ZNF462: variants seen among roughly 807,000 people sequenced by gnomAD.
ZNF462 encodes the protein zinc finger PBX1-interacting protein.
A neutral mutation model predicts 201.9 loss-of-function variants in ZNF462; 10 were observed. The observed-to-expected ratio is 0.05, with a 90% CI of 0.03 to 0.08. The LOEUF (loss-of-function observed/expected upper bound fraction) is 0.08, where lower values mean the gene tolerates loss of function less well. ZNF462 is among the 10% of genes least tolerant of loss of function. The probability of loss-of-function intolerance (pLI) is 1.00; values close to 1 mark genes in which losing one functional copy is unlikely to be tolerated. For missense variants in ZNF462, 2,523 were observed against 3,168.3 expected (o/e 0.80, Z 4.89); for synonymous variants, 1,227 against 1,193.3 (o/e 1.03, Z -0.58).
At chr9:106,912,658 T>A (rs542350351) in intron 1 of ZNF462, among the ~76,000 whole-genome samples, 1 of 152,146 alleles carries the variant, frequency 6.6e-6, no homozygotes, top group Non-Finnish European at 1.5e-5. Flanking sequence ...GCCAGAAGGC[T>A]TGGGCAGGTT....
chr9:106,936,068 A>G (rs1830618188), intron 6 of ZNF462, among the ~76,000 whole-genome samples: 1 of 152,238 alleles, frequency 6.6e-6, no homozygotes, highest in Admixed American at 6.5e-5. Context: ...ACCCTTAGAT[A>G]TGTTTCCGTA....
rs1826847110 is a variant in ZNF462 at position 106,974,443 on chromosome 9, A to T, written c.6832+170A>T. ...CAGTGACAGCCAAAAGGGCAAAAAC[A>T]CCTTCCTGCTGGGAGTATTTCCTCC... On this transcript the variant is annotated intron_variant, in intron 9 of 12. Transcript: ENST00000277225. This position sits in a 1 kb window ranked among gnomAD's most constrained non-coding sequence, Gnocchi z 4.0. 1.0e-6 allele frequency: 1 copy of T among 971,792 alleles called. No homozygotes were observed. Among genetic ancestry groups the T allele is most frequent in the African/African-American group, 1.6e-5 (1 of 62,498 alleles). The allele number at this position is 971,792 out of a possible 1,614,324, so 60.2% of individuals were successfully genotyped here.
At chr9:106,973,590 A>G (rs1279261834) in intron 8 of ZNF462, among the ~76,000 whole-genome samples, 12 of 152,254 alleles carry the variant, frequency 7.9e-5, no homozygotes, top group African/African-American at 2.9e-4. Flanking sequence ...AAGGCTTTGC[A>G]AATTTTGAAG....
chr9:106,942,667 G>A (rs1006253628), intron 7 of ZNF462, among the ~76,000 whole-genome samples: 5 of 152,084 alleles, frequency 3.3e-5, no homozygotes, highest in East Asian at 1.9e-4. Flanking sequence ...GCTTTTATCC[G>A]GCTATTTCCA....
chr9:106,943,680 A>G (rs1336084920), intron 7 of ZNF462, among the ~76,000 whole-genome samples: 1 of 152,124 alleles, frequency 6.6e-6, no homozygotes, highest in Non-Finnish European at 1.5e-5. Context: ...GTACTTGCAG[A>G]TATGCTATTT....
chr9:107,001,108 G>A lies in ZNF462; in HGVS notation c.7057-2186G>A, dbSNP rs116195350. ...TTTCCCTGATTCCTAATGGTGAGAA[G>A]TGCAGGAGAAAGTGGCCCAGGAAAG... On this transcript the variant is annotated intron_variant, in intron 10 of 12. Transcript: ENST00000277225. 3.6e-3 allele frequency among the ~76,000 whole-genome samples: 545 copies of A among 152,224 alleles called. 3 individuals are homozygous for A. Among genetic ancestry groups the A allele is most frequent in the African/African-American group, 0.012 (479 of 41,532 alleles).
intron 10 of ZNF462, among the ~76,000 whole-genome samples, chr9:106,992,544 G>C (rs764812400): frequency 6.6e-6 from 1 of 152,034 alleles, no homozygotes; most frequent in African/African-American, 2.4e-5. Flanking sequence ...ACTATTCAGC[G>C]ATGAAAAAGA....
At chr9:106,889,348 C>T (rs1246466830) in intron 1 of ZNF462, among the ~76,000 whole-genome samples, 3 of 152,172 alleles carry the variant, frequency 2.0e-5, no homozygotes, top group Non-Finnish European at 4.4e-5. Flanking sequence ...TGATCGTTAA[C>T]GAGCTCAGGG....
Position 106,886,177 on chromosome 9 carries a change from C to G in ZNF462, c.-31+22822C>G, listed in dbSNP as rs2130989974. 6.6e-6 allele frequency among the ~76,000 whole-genome samples: 1 copy of G among 152,226 alleles called. No homozygotes were observed. The highest frequency in any genetic ancestry group is 2.1e-4 in the South Asian group (1 of 4,824). Reference sequence around the variant, plus strand: ...CCACATAATGACTCATTGAGCACTACTGACTTAGTAAAAAAGAAAAGTAGG... The same window carrying G: ...CCACATAATGACTCATTGAGCACTAGTGACTTAGTAAAAAAGAAAAGTAGG... On this transcript the variant is annotated intron_variant, in intron 1 of 12. Coordinates refer to ENST00000277225, the MANE Select transcript of ZNF462 (RefSeq NM_021224.6). The surrounding 1 kb of genome is among the most constrained non-coding windows in gnomAD (Gnocchi z 4.6).
intron 1 of ZNF462, among the ~76,000 whole-genome samples, chr9:106,903,833 G>A (rs978584032): frequency 2.0e-5 from 3 of 152,142 alleles, no homozygotes; most frequent in African/African-American, 7.2e-5. Context: ...TGAGTCTCCT[G>A]AAGGCAGCAG....
intron 7 of ZNF462, among the ~76,000 whole-genome samples, chr9:106,942,981 T>C (rs1347543307): frequency 6.6e-6 from 1 of 151,722 alleles, no homozygotes; most frequent in African/African-American, 2.4e-5. Context: ...TATGATGCAT[T>C]TAGGACAAAA....
chr9:106,929,531 C>T lies in ZNF462; in HGVS notation c.5619C>T (p.Asp1873=), dbSNP rs767308377. Residue 1873 remains aspartate (D), a synonymous_variant, in exon 3 of 13, where the codon GAC becomes GAT. Transcript: ENST00000277225. The surrounding 1 kb of genome is among the most constrained non-coding windows in gnomAD (Gnocchi z 8.7). ...CMHYTDHHSR[D]LKRDFIILGN... is the part of the protein sequence containing the mutation. ...ATTACACTGACCACCACAGTCGGGA[C>T]CTAAAGAGGGACTTCATCATTCTGG... The T allele has an allele frequency of 3.7e-6, 6 of 1,614,132 alleles. No individual in the cohort carries two copies. The highest frequency in any genetic ancestry group is 5.1e-6 in the Non-Finnish European group (6 of 1,180,042).
chr9:106,926,155 T>A lies in ZNF462; in HGVS notation c.2243T>A (p.Ile748Asn), dbSNP rs961537730. 4 of 1,614,126 alleles carry A rather than the reference T, an allele frequency of 2.5e-6. No homozygotes were observed. Among genetic ancestry groups the A allele is most frequent in the Non-Finnish European group, 3.4e-6 (4 of 1,180,018 alleles). Reference protein sequence around the residue: ...LDREEEPTEPIIEVPTSFSAQ... With the variant: ...LDREEEPTEPNIEVPTSFSAQ... ...AGGGAGGAAGAACCGACAGAACCCA[T>A]CATAGAGGTTCCCACTTCCTTTTCT... Residue 748 changes from isoleucine to asparagine, a missense_variant, in exon 3 of 13, where the codon ATC (isoleucine) becomes AAC (asparagine). By Grantham distance (149) the Ile-to-Asn change is moderately radical. Coordinates refer to ENST00000277225, the MANE Select transcript of ZNF462 (RefSeq NM_021224.6). The surrounding 1 kb of genome is among the most constrained non-coding windows in gnomAD (Gnocchi z 7.9).
At chr9:106,944,935 T>C (rs1375921165) in intron 7 of ZNF462, among the ~76,000 whole-genome samples, 1 of 152,200 alleles carries the variant, frequency 6.6e-6, no homozygotes, top group African/African-American at 2.4e-5. Context: ...AACGTGAAAG[T>C]AGCCATAGAC....
rs1469973073 is a variant in ZNF462, at chr9:106,923,431, T to C, written c.48T>C (p.Tyr16=). Residue 16 remains tyrosine (Y), a synonymous_variant, in exon 2 of 13, where the codon TAT becomes TAC. Transcript: ENST00000277225. The surrounding 1 kb of genome is among the most constrained non-coding windows in gnomAD (Gnocchi z 5.6). ...GCTGTGATTTCCGAGCCCCGTCTTATGAAGATCTCAAGGCACACATTCAGG... is the reference window on the plus strand; with the variant it reads ...GCTGTGATTTCCGAGCCCCGTCTTACGAAGATCTCAAGGCACACATTCAGG... ...CDGCDFRAPS[Y]EDLKAHIQDV... is the part of the protein sequence containing the mutation. 4.3e-6 allele frequency: 7 copies of C among 1,614,214 alleles called. No homozygotes were observed. Among genetic ancestry groups the C allele is most frequent in the East Asian group, 2.2e-5 (1 of 44,878 alleles).
chr9:106,893,284 C>T (rs1192795000), intron 1 of ZNF462, among the ~76,000 whole-genome samples: 1 of 152,170 alleles, frequency 6.6e-6, no homozygotes, highest in Non-Finnish European at 1.5e-5. Context: ...TTCCAGTACA[C>T]CATGGATGAC....
At chr9:106,964,209 C>T (rs922569149) in intron 7 of ZNF462, among the ~76,000 whole-genome samples, 1 of 151,898 alleles carries the variant, frequency 6.6e-6, no homozygotes, top group Non-Finnish European at 1.5e-5. Context: ...CTTGATCATA[C>T]GATAGTTCTG....
In ZNF462 at chr9:106,864,063, T is replaced by G. The variant is rs1037779448; in HGVS notation, c.-31+708T>G. Among the ~76,000 whole-genome samples, 31 of 98,688 alleles carry G rather than the reference T, an allele frequency of 3.1e-4. 1 individual carries two copies. Among genetic ancestry groups the G allele is most frequent in the East Asian group, 1.1e-3 (4 of 3,668 alleles). The allele number at this position is 98,688 out of a possible 152,430, so 64.7% of individuals were successfully genotyped here. A position where few individuals can be genotyped will look rare whatever the true frequency, so the allele number is the denominator to read the frequency against. Reference sequence around the variant, plus strand: ...GGCTCTCTCTCTCTCTCTCTCTCTCTCTCTCTCTCTCTCTCTCTCTCTCTC... The same window carrying G: ...GGCTCTCTCTCTCTCTCTCTCTCTCGCTCTCTCTCTCTCTCTCTCTCTCTC... On this transcript the variant is annotated intron_variant, in intron 1 of 12. Coordinates refer to ENST00000277225, the MANE Select transcript of ZNF462 (RefSeq NM_021224.6).
At chr9:106,944,105 A>G (rs572513414) in intron 7 of ZNF462, among the ~76,000 whole-genome samples, 67 of 152,288 alleles carry the variant, frequency 4.4e-4, no homozygotes, top group African/African-American at 1.6e-3. Flanking sequence ...AGTATGATGG[A>G]GCTGGAGAAA....
Sources: allele counts gnomAD v4.1 joint callset (sites outside exome capture counted in the v4.1 genomes callset), GRCh38; gene constraint gnomAD v4.1.1; non-coding constraint Gnocchi (gnomAD v3.1); transcripts MANE v1.5; gene names NCBI Gene and HGNC (gene_info 2026-07-23, HGNC 2026-07-21).